Variants in CCDC191 observed in about 807,000 individuals in gnomAD.
The protein encoded by CCDC191 is coiled-coil domain-containing protein 191.
A neutral mutation model predicts 114.0 loss-of-function variants in CCDC191; 99 were observed. The ratio of observed to expected loss-of-function variants is 0.87; its 90% confidence interval spans 0.74 to 1.03. The LOEUF (loss-of-function observed/expected upper bound fraction) is 1.03. Ranked by LOEUF, CCDC191 falls within the 50% of genes least tolerant of loss-of-function variation. The pLI, the probability that CCDC191 is intolerant of heterozygous loss-of-function variation, is 0.00. For synonymous variants in CCDC191, 351 were observed against 376.0 expected (o/e 0.93, Z 0.77); for missense variants, 973 against 1,087.0 (o/e 0.90, Z 1.47).
intron 8 of CCDC191, among the ~76,000 whole-genome samples, chr3:114,016,877 T>G (rs1329395947): frequency 6.6e-6 from 1 of 152,200 alleles, no homozygotes; most frequent in African/African-American, 2.4e-5. Context: ...CTTTACAACC[T>G]GTTTCCCTTC....
At chr3:113,982,472 G>A (rs1417039507) in intron 13 of CCDC191, among the ~76,000 whole-genome samples, 2 of 152,116 alleles carry the variant, frequency 1.3e-5, no homozygotes, top group Non-Finnish European at 2.9e-5. Flanking sequence ...ATATGATGCT[G>A]TTTTGAGATG....
chr3:113,989,308 C>T (rs2075478202), intron 13 of CCDC191, among the ~76,000 whole-genome samples: 1 of 152,268 alleles, frequency 6.6e-6, no homozygotes, highest in African/African-American at 2.4e-5. Flanking sequence ...AACAATGTGA[C>T]TTGGCATTTC....
chr3:114,049,613 GA>G (rs373941819), intron 2 of CCDC191, among the ~76,000 whole-genome samples: 2 of 152,258 alleles, frequency 1.3e-5, no homozygotes, highest in African/African-American at 4.8e-5. Flanking sequence ...GAGAAGAGGA[GA>G]AAGACTGAAG....
chr3:114,056,563 C>T (rs544917530), upstream of CCDC191: 3 of 1,604,572 alleles, frequency 1.9e-6, no homozygotes, highest in African/African-American at 2.7e-5. Context: ...GTTCCTCCGC[C>T]CGCAAGGAAA....
At chr3:114,013,428 A>G (rs1294711327) in intron 8 of CCDC191, among the ~76,000 whole-genome samples, 3 of 152,178 alleles carry the variant, frequency 2.0e-5, no homozygotes, top group African/African-American at 7.2e-5. Flanking sequence ...GCCAATTTCT[A>G]TACTTTCTAA....
intron 7 of CCDC191, among the ~76,000 whole-genome samples, chr3:114,022,942 T>C (rs553488876): frequency 6.6e-6 from 1 of 152,304 alleles, no homozygotes; most frequent in African/African-American, 2.4e-5. Flanking sequence ...GACAACATGA[T>C]TGTATATCTA....
intron 13 of CCDC191, among the ~76,000 whole-genome samples, chr3:114,000,619 A>C (rs1158835378): frequency 2.0e-5 from 3 of 151,806 alleles, no homozygotes; most frequent in African/African-American, 7.3e-5. Flanking sequence ...TTCTTCATGA[A>C]ACATACCTTA....
chr3:114,017,576 T>G (rs879728156), intron 8 of CCDC191, among the ~76,000 whole-genome samples: 7 of 152,196 alleles, frequency 4.6e-5, no homozygotes, highest in African/African-American at 9.6e-5. Context: ...ATACTGACAT[T>G]TATCATTCAT....
At chr3:113,999,853 TTATTTAAG>T (rs1291035708) in intron 13 of CCDC191, among the ~76,000 whole-genome samples, 1 of 152,206 alleles carries the variant, frequency 6.6e-6, no homozygotes, top group Admixed American at 6.5e-5. Flanking sequence ...GCTATTTAAG[TTATTTAAG>T]TATTTAAGTT....
At chr3:114,053,837 A>T (rs1393668222) in intron 1 of CCDC191, among the ~76,000 whole-genome samples, 1 of 152,196 alleles carries the variant, frequency 6.6e-6, no homozygotes, top group Non-Finnish European at 1.5e-5. Context: ...TTCCTGGGAC[A>T]CTGATTGTTT....
chr3:114,017,463 A>G (rs940176422), intron 8 of CCDC191, among the ~76,000 whole-genome samples: 3 of 152,144 alleles, frequency 2.0e-5, no homozygotes, highest in South Asian at 2.1e-4. Context: ...TGCCCATTCA[A>G]CTGTGAGTTC....
intron 9 of CCDC191, among the ~76,000 whole-genome samples, chr3:114,010,054 C>G (rs749793744): frequency 6.6e-6 from 1 of 151,878 alleles, no homozygotes; most frequent in Non-Finnish European, 1.5e-5. Flanking sequence ...TTGAGAACTA[C>G]TATTGCAGAA....
At position 113,978,937 on chromosome 3, in the gene CCDC191, C is replaced by T. The variant is rs994569699; in HGVS notation, c.2381G>A (p.Ser794Asn). Reference sequence around the variant, plus strand: ...AGCCTGGGCCATCTTTCTAGCCAGACTTTCCTGACTACGCTGGAACCACGT... The same window carrying T: ...AGCCTGGGCCATCTTTCTAGCCAGATTTTCCTGACTACGCTGGAACCACGT... ...MLTWFQRSQE[S>N]LARKMAQADQ... Residue 794 changes from serine (S) to asparagine (N), a missense_variant, in exon 15 of 17, where the codon AGT becomes AAT. Transcript: ENST00000295878. 1.9e-6 allele frequency: 3 copies of T among 1,614,080 alleles called. No homozygotes were observed. In the Admixed American group the frequency reaches 5.0e-5, roughly 27 times the overall value.
intron 16 of CCDC191, among the ~76,000 whole-genome samples, chr3:113,969,545 C>G (rs979172967): frequency 2.0e-5 from 3 of 152,130 alleles, no homozygotes; most frequent in Admixed American, 2.0e-4. Context: ...AGAAAGGGGT[C>G]TCATTTCATT....
chr3:114,048,284 C>G (rs1230652475), intron 2 of CCDC191, among the ~76,000 whole-genome samples: 2 of 152,166 alleles, frequency 1.3e-5, no homozygotes, highest in Non-Finnish European at 2.9e-5. Context: ...CTGGAATAGC[C>G]TCTCACCACA....
chr3:113,982,103 A>G (rs2107614944), intron 13 of CCDC191, among the ~76,000 whole-genome samples: 1 of 152,334 alleles, frequency 6.6e-6, no homozygotes, highest in South Asian at 2.1e-4. Context: ...GGCTCAGACA[A>G]AAGAACTTGT....
In CCDC191 at chr3:114,001,680, T is replaced by G; in HGVS notation, c.2078A>C (p.Gln693Pro). ...EEEKLAQLKAQEEERQKREAE... is the reference protein window; with the variant it reads ...EEEKLAQLKAPEEERQKREAE... ...CTCCCTTTTCTGACGTTCCTCCTCTTGGGCCTTTAACTGGGCCTGATTGAG... is the reference window on the plus strand; with the variant it reads ...CTCCCTTTTCTGACGTTCCTCCTCTGGGGCCTTTAACTGGGCCTGATTGAG... The change falls in exon 13 of 17, where the codon CAA (glutamine) becomes CCA (proline). Residue 693 changes from glutamine (Q) to proline (P), a missense_variant. Transcript: ENST00000295878. 1.2e-6 allele frequency: 2 copies of G among 1,613,914 alleles called. No individual in the cohort carries two copies. Among genetic ancestry groups the G allele is most frequent in the Non-Finnish European group, 1.7e-6 (2 of 1,179,848 alleles).
chr3:114,041,930 C>A (rs920961666), intron 4 of CCDC191, among the ~76,000 whole-genome samples: 4 of 151,744 alleles, frequency 2.6e-5, no homozygotes, highest in Non-Finnish European at 4.4e-5. Flanking sequence ...AAAGTAATAA[C>A]CTCCCTTATA....
intron 2 of CCDC191, among the ~76,000 whole-genome samples, chr3:114,047,775 G>T (rs2076649616): frequency 6.6e-6 from 1 of 151,824 alleles, no homozygotes; most frequent in Non-Finnish European, 1.5e-5. Context: ...GGGAGTTCAA[G>T]ACCAGCCTGG....
Sources: allele counts gnomAD v4.1 joint callset (sites outside exome capture counted in the v4.1 genomes callset), GRCh38; gene constraint gnomAD v4.1.1; transcripts MANE v1.5; gene names NCBI Gene and HGNC (gene_info 2026-07-23, HGNC 2026-07-21).